Variants in CCDC93 observed in about 807,000 individuals in gnomAD.
The protein encoded by CCDC93 is coiled-coil domain-containing protein 93.
A neutral mutation model predicts 108.2 loss-of-function variants in CCDC93; 61 were observed. The observed-to-expected ratio is 0.56, with a 90% CI of 0.46 to 0.70. The LOEUF (loss-of-function observed/expected upper bound fraction) is 0.70, where lower values mean the gene tolerates loss of function less well. Ranked by LOEUF, CCDC93 falls within the 30% of genes least tolerant of loss-of-function variation. The pLI is 0.00. For synonymous variants in CCDC93, 276 were observed against 260.4 expected, an observed-to-expected ratio of 1.06 and a Z score of -0.58; for missense variants, 685 against 764.2, an observed-to-expected ratio of 0.90 and a Z score of 1.22.
intron 17 of CCDC93, among the ~76,000 whole-genome samples, 186 bp from the exon 18 acceptor site, chr2:117,944,272 T>C (rs1419712923): frequency 6.6e-6 from 1 of 152,188 alleles, no homozygotes; most frequent in African/African-American, 2.4e-5. Context: ...CCCTCTCATA[T>C]CATGTTATAA....
chr2:117,966,187 T>A (rs1312281779), intron 11 of CCDC93, among the ~76,000 whole-genome samples: 5 of 152,226 alleles, frequency 3.3e-5, no homozygotes, highest in African/African-American at 1.2e-4. Context: ...TGTCTCCTAC[T>A]CTTTCTAGTT....
At chr2:117,922,091 G>A (rs1469800399) in intron 23 of CCDC93, among the ~76,000 whole-genome samples, 7 of 152,062 alleles carry the variant, frequency 4.6e-5, no homozygotes, top group Admixed American at 4.6e-4. Flanking sequence ...CTCTCTACTT[G>A]TATATTTTTT....
intron 7 of CCDC93, among the ~76,000 whole-genome samples, chr2:117,980,576 A>G (rs1051193249): frequency 5.3e-5 from 8 of 152,180 alleles, no homozygotes; most frequent in Non-Finnish European, 1.0e-4. Flanking sequence ...GTGACAGCCA[A>G]CGCACTCATT....
chr2:117,995,415 T>C, intron 6 of CCDC93, 31 bp downstream of exon 6: 1 of 1,560,964 alleles, frequency 6.4e-7, no homozygotes, highest in Non-Finnish European at 8.8e-7. Flanking sequence ...TACGCAGGAC[T>C]CTGACAGAAG....
chr2:117,950,065 G>C, intron 13 of CCDC93: 4 of 985,386 alleles, frequency 4.1e-6, no homozygotes, highest in Non-Finnish European at 4.8e-6. Flanking sequence ...GCAGAAATGG[G>C]GAGTTCCCCG....
At position 117,933,331 on chromosome 2, in the gene CCDC93, T is replaced by C. The variant is rs372503073; in HGVS notation, c.1728+2164A>G. Reference sequence around the variant, plus strand: ...ACTATGAGAAGCAGGAGTTGACTCTTTGATTTAAGCTTCATTTTCACACTC... The same window carrying C: ...ACTATGAGAAGCAGGAGTTGACTCTCTGATTTAAGCTTCATTTTCACACTC... On this transcript the variant is annotated intron_variant, in intron 22 of 23. Coordinates refer to ENST00000376300, the MANE Select transcript of CCDC93 (RefSeq NM_019044.5). 4.4e-3 allele frequency among the ~76,000 whole-genome samples: 477 copies of C among 109,182 alleles called. 5 individuals are homozygous for C. Among genetic ancestry groups the C allele is most frequent in the African/African-American group, 0.013 (457 of 34,058 alleles). The allele number at this position is 109,182 out of a possible 152,430, so 71.6% of individuals were successfully genotyped here. A position where few individuals can be genotyped will look rare whatever the true frequency, so the allele number is the denominator to read the frequency against.
chr2:117,955,798 A>G (rs1679199321), intron 12 of CCDC93, among the ~76,000 whole-genome samples: 1 of 152,168 alleles, frequency 6.6e-6, no homozygotes, highest in South Asian at 2.1e-4. Context: ...CTGTGATACA[A>G]TAAGTGAAAT....
chr2:117,984,836 G>C (rs1680264019), intron 7 of CCDC93, among the ~76,000 whole-genome samples: 1 of 152,078 alleles, frequency 6.6e-6, no homozygotes, highest in South Asian at 2.1e-4. Context: ...TGATTCCCAG[G>C]GCTGGCTTCC....
At chr2:117,961,475 T>C (rs990347265) in intron 11 of CCDC93, among the ~76,000 whole-genome samples, 1 of 152,210 alleles carries the variant, frequency 6.6e-6, no homozygotes, top group Non-Finnish European at 1.5e-5. Flanking sequence ...CTTTGTTTAA[T>C]GGGAAGTTAT....
chr2:117,945,158 A>G (rs1339856832), intron 17 of CCDC93, among the ~76,000 whole-genome samples: 1 of 152,238 alleles, frequency 6.6e-6, no homozygotes, highest in African/African-American at 2.4e-5. Context: ...AGTCTGGTAT[A>G]TAGTACAACA....
At chr2:117,924,772 C>T (rs543563449) in intron 23 of CCDC93, among the ~76,000 whole-genome samples, 29 of 152,270 alleles carry the variant, frequency 1.9e-4, no homozygotes, top group Non-Finnish European at 3.4e-4. Context: ...TTAGGAAATA[C>T]AGAGAATGCC....
At chr2:117,932,760 T>C (rs1209118038) in intron 22 of CCDC93, among the ~76,000 whole-genome samples, 1 of 152,200 alleles carries the variant, frequency 6.6e-6, no homozygotes, top group African/African-American at 2.4e-5. Flanking sequence ...CCACTCATGA[T>C]CCTGTCACAG....
intron 9 of CCDC93, 67 bp from the exon 10 acceptor site, chr2:117,974,967 T>C: frequency 1.5e-6 from 2 of 1,330,614 alleles, no homozygotes; most frequent in South Asian, 2.5e-5. Flanking sequence ...GCAATATGCC[T>C]ACATGGATCT....
At chr2:117,970,096 G>A (rs1177429332) in intron 11 of CCDC93, among the ~76,000 whole-genome samples, 7 of 152,102 alleles carry the variant, frequency 4.6e-5, no homozygotes, top group Non-Finnish European at 4.4e-5. Context: ...GGAGAGCACT[G>A]ACAAAACAAA....
chr2:117,967,000 C>CA (rs942830302), intron 11 of CCDC93, among the ~76,000 whole-genome samples: 1 of 151,930 alleles, frequency 6.6e-6, no homozygotes, highest in East Asian at 1.9e-4. Context: ...CTCCCACTGC[C>CA]TTTTTTTTCT....
At chr2:117,944,123 G>A (rs3732319) in intron 17 of CCDC93, 37 bp from the exon 18 acceptor site, 125,604 of 1,463,966 alleles carry the variant, frequency 0.086, 6,053 homozygotes, top group East Asian at 0.18. Flanking sequence ...TCTGGGAATA[G>A]AAAACTTTCA....
At chr2:117,988,348 G>A (rs947356200) in intron 6 of CCDC93, among the ~76,000 whole-genome samples, 2 of 152,100 alleles carry the variant, frequency 1.3e-5, no homozygotes, top group Non-Finnish European at 2.9e-5. Flanking sequence ...GAACAGCACA[G>A]TACCATGGCA....
intron 1 of CCDC93, among the ~76,000 whole-genome samples, chr2:118,010,074 T>C (rs1348033275): frequency 6.6e-6 from 1 of 151,764 alleles, no homozygotes; most frequent in African/African-American, 2.4e-5. Context: ...CCCGAGTTGC[T>C]GGGACTACAG....
At position 117,961,330 on chromosome 2, in the gene CCDC93, C is replaced by T. The variant is rs185438686; in HGVS notation, c.889-2849G>A. On this transcript the variant is annotated intron_variant, in intron 11 of 23. Transcript: ENST00000376300. ...AGGAAACATGAGCTTTCAAACTGCT[C>T]TCTTTTATTGGTAGGTAATAATTCT... 1.7e-4 allele frequency among the ~76,000 whole-genome samples: 26 copies of T among 152,292 alleles called. 1 individual carries two copies. The highest frequency in any genetic ancestry group is 6.3e-4 in the African/African-American group (26 of 41,558).
Sources: gnomAD v4.1 joint callset for allele counts (sites outside exome capture counted in the v4.1 genomes callset) on GRCh38, gnomAD v4.1.1 for gene constraint, MANE v1.5 for transcripts, NCBI Gene and HGNC (gene_info 2026-07-23, HGNC 2026-07-21) for gene names.